CEP83: variants seen among roughly 807,000 people sequenced by gnomAD.
CEP83 encodes centrosomal protein of 83 kDa.
In CEP83, 70 loss-of-function variants were observed where a neutral mutation model predicts 101.9. The observed-to-expected ratio is 0.69, with a 90% CI of 0.57 to 0.84. The LOEUF (loss-of-function observed/expected upper bound fraction) is 0.84, where lower values mean the gene tolerates loss of function less well. Ranked by LOEUF, CEP83 falls within the 40% of genes least tolerant of loss-of-function variation. CEP83 has a pLI of 0.00. For missense variants in CEP83, 715 were observed against 787.2 expected (o/e 0.91, Z 1.10); for synonymous variants, 264 against 267.9 (o/e 0.99, Z 0.14).
chr12:94,302,462 T>C (rs1265477280), downstream of CEP83, among the ~76,000 whole-genome samples: 1 of 152,196 alleles, frequency 6.6e-6, no homozygotes, highest in Non-Finnish European at 1.5e-5. Flanking sequence ...TTTGTGAACT[T>C]TCCCCAATAT....
intron 1 of CEP83, among the ~76,000 whole-genome samples, chr12:94,439,626 G>A (rs1363597992): frequency 1.3e-5 from 2 of 151,290 alleles, no homozygotes; most frequent in Non-Finnish European, 2.9e-5. Flanking sequence ...AGAAGAATTG[G>A]TATGAATCCT....
the CEP83 span, chr12:94,298,887 TTATCTC>T: frequency 8.2e-7 from 1 of 1,212,224 alleles, no homozygotes; most frequent in Non-Finnish European, 1.2e-6. Context: ...AAGGATTCAT[TTATCTC>T]TATATCAGAA....
intron 2 of CEP83, among the ~76,000 whole-genome samples, chr12:94,413,859 C>CAT (rs2064080842): frequency 6.6e-6 from 1 of 151,014 alleles, no homozygotes; most frequent in Non-Finnish European, 1.5e-5. Context: ...CACACACACA[C>CAT]ACACACATAC....
the CEP83 span, among the ~76,000 whole-genome samples, chr12:94,284,806 G>C: frequency 6.6e-6 from 1 of 152,174 alleles, no homozygotes; most frequent in Non-Finnish European, 1.5e-5. Flanking sequence ...GATGGGGGCA[G>C]CCTCTTCAGG....
intron 6 of CEP83, among the ~76,000 whole-genome samples, chr12:94,385,744 T>C (rs894847009): frequency 2.0e-5 from 3 of 152,204 alleles, no homozygotes; most frequent in Non-Finnish European, 4.4e-5. Flanking sequence ...TACTTATTTC[T>C]GAATCTTCAT....
At chr12:94,331,289 G>GGAAAAAAAAAAAA (rs2059192300) in intron 14 of CEP83, among the ~76,000 whole-genome samples, 2 of 43,820 alleles carry the variant, frequency 4.6e-5, no homozygotes, top group East Asian at 1.0e-3. Flanking sequence ...CAGACTCTCA[G>GGAAAAAAAAAAAA]AAAAAAAAAA....
downstream of CEP83, chr12:94,307,354 A>ATTAGCCAAATGC (rs1387731478): frequency 2.6e-5 from 4 of 152,246 alleles, no homozygotes; most frequent in Admixed American, 2.0e-4. Flanking sequence ...TTTGGATCAC[A>ATTAGCCAAATGC]TTAGCCAAAT....
At chr12:94,266,298 A>T in the CEP83 span, among the ~76,000 whole-genome samples, 2 of 152,202 alleles carry the variant, frequency 1.3e-5, no homozygotes, top group African/African-American at 4.8e-5. Flanking sequence ...TCACTTCTCC[A>T]TCAAAGATGG....
rs187265620 is a variant in CEP83, at chr12:94,354,584, T to A, written c.1343+13210A>T. ...CTCAATAAATTTTTAAAAATCAATA[T>A]ATCAAGTATATTTTCTGACAACAGC... On this transcript the variant is annotated intron_variant, in intron 11 of 16. Transcript: ENST00000397809. 6.3e-4 allele frequency among the ~76,000 whole-genome samples: 96 copies of A among 152,270 alleles called. No individual in the cohort carries two copies. In the East Asian group the frequency reaches 0.016, roughly 25 times the overall value.
chr12:94,408,361 C>G (rs1329527103), intron 4 of CEP83, among the ~76,000 whole-genome samples: 2 of 152,138 alleles, frequency 1.3e-5, no homozygotes, highest in East Asian at 1.9e-4. Flanking sequence ...GAGTATTATA[C>G]TTTGATCTGA....
chr12:94,402,131 A>C (rs969215630), intron 5 of CEP83: 1 of 152,234 alleles, frequency 6.6e-6, no homozygotes, highest in East Asian at 1.9e-4. Context: ...GTCATATTAT[A>C]TCAACACTTC....
chr12:94,381,340 G>T (rs1002776301), intron 6 of CEP83, among the ~76,000 whole-genome samples: 2 of 152,020 alleles, frequency 1.3e-5, no homozygotes, highest in Admixed American at 6.6e-5. Flanking sequence ...TCTCTTTTAT[G>T]AACTTTATTT....
At chr12:94,336,870 G>C (rs1342272306) in intron 11 of CEP83, among the ~76,000 whole-genome samples, 4 of 150,920 alleles carry the variant, frequency 2.7e-5, no homozygotes, top group Admixed American at 2.6e-4. Flanking sequence ...TCACTATATT[G>C]CCTAGGCTGG....
chr12:94,428,681 C>G (rs2065390625), intron 2 of CEP83, among the ~76,000 whole-genome samples: 1 of 152,174 alleles, frequency 6.6e-6, no homozygotes, highest in African/African-American at 2.4e-5. Context: ...TCAAGACACA[C>G]AGGTTAATGT....
intron 11 of CEP83, among the ~76,000 whole-genome samples, chr12:94,357,821 C>T (rs1043093161): frequency 3.3e-5 from 5 of 152,216 alleles, no homozygotes; most frequent in African/African-American, 1.2e-4. Flanking sequence ...GTTATATCTA[C>T]TTCTGTTCCC....
At chr12:94,372,731 C>A (rs2061359847) in intron 8 of CEP83, among the ~76,000 whole-genome samples, 1 of 152,138 alleles carries the variant, frequency 6.6e-6, no homozygotes, top group South Asian at 2.1e-4. Flanking sequence ...ACTGAAAGAA[C>A]ACCGAATAGG....
intron 6 of CEP83, among the ~76,000 whole-genome samples, chr12:94,388,148 T>C (rs1364472360): frequency 6.6e-6 from 1 of 152,210 alleles, no homozygotes; most frequent in Non-Finnish European, 1.5e-5. Flanking sequence ...CACAGCACTA[T>C]TCACAATAGC....
chr12:94,364,144 T>A (rs1186867954), intron 11 of CEP83, among the ~76,000 whole-genome samples: 1 of 151,990 alleles, frequency 6.6e-6, no homozygotes, highest in Non-Finnish European at 1.5e-5. Context: ...GGGTACAGAG[T>A]TTGTTTTACA....
At chr12:94,326,230 C>T (rs1178170982) in intron 14 of CEP83, among the ~76,000 whole-genome samples, 1 of 152,216 alleles carries the variant, frequency 6.6e-6, no homozygotes, top group East Asian at 1.9e-4. Flanking sequence ...CCACAATCCC[C>T]GACCCCCAAC....
Sources: allele counts gnomAD v4.1 joint callset (sites outside exome capture counted in the v4.1 genomes callset), GRCh38; gene constraint gnomAD v4.1.1; transcripts MANE v1.5; gene names NCBI Gene and HGNC (gene_info 2026-07-23, HGNC 2026-07-21).